Variants in FER observed in about 807,000 individuals in gnomAD.
FER encodes FER tyrosine kinase, also known as tyrosine-protein kinase Fer.
A neutral mutation model predicts 111.0 loss-of-function variants in FER; 63 were observed. That is an observed-to-expected ratio of 0.57 (90% CI 0.46 to 0.70). FER has a LOEUF of 0.70. Among genes scored for constraint, FER ranks in the 30% least tolerant of loss-of-function variants. The pLI is 0.00. For missense variants in FER, 914 were observed against 954.0 expected, an observed-to-expected ratio of 0.96 and a Z score of 0.55; for synonymous variants, 327 against 313.9, an observed-to-expected ratio of 1.04 and a Z score of -0.44.
intron 2 of FER, among the ~76,000 whole-genome samples, chr5:108,791,667 A>G (rs1326261264): frequency 6.6e-6 from 1 of 151,662 alleles, no homozygotes; most frequent in Non-Finnish European, 1.5e-5. Context: ...CCTTTGAAGC[A>G]TGGAAGTTTT....
chr5:109,090,252 A>G lies in FER; in HGVS notation c.1925-10144A>G, dbSNP rs79953659. On this transcript the variant is annotated intron_variant, in intron 16 of 19. Transcript: ENST00000281092. Reference sequence around the variant, plus strand: ...CAAGCTCTTAAAAAAGACAACTGCAAACTTCTCTAGGTGGGAAATTACATG... The same window carrying G: ...CAAGCTCTTAAAAAAGACAACTGCAGACTTCTCTAGGTGGGAAATTACATG... Among the ~76,000 whole-genome samples the G allele has an allele frequency of 1.5e-3, 232 of 152,248 alleles. 3 individuals carry two copies. The East Asian group carries it at 0.036, about 23-fold the overall frequency.
chr5:109,014,822 G>T (rs1304787637), intron 13 of FER: 2 of 152,220 alleles, frequency 1.3e-5, no homozygotes, highest in African/African-American at 4.8e-5. Flanking sequence ...GGATTCCTAG[G>T]TATTTTATTC....
chr5:108,829,336 G>A (rs975778441), intron 3 of FER, among the ~76,000 whole-genome samples: 1 of 151,950 alleles, frequency 6.6e-6, no homozygotes, highest in African/African-American at 2.4e-5. Context: ...ACCTAATTCT[G>A]TGTTAAAAAA....
intron 16 of FER, among the ~76,000 whole-genome samples, chr5:109,096,081 CATA>C (rs1747473759): frequency 6.6e-6 from 1 of 151,580 alleles, no homozygotes. Flanking sequence ...ATTCTTGTTG[CATA>C]ATAATCTCAC....
chr5:109,140,569 C>G (rs1050871031), intron 17 of FER, among the ~76,000 whole-genome samples: 1 of 151,834 alleles, frequency 6.6e-6, no homozygotes, highest in African/African-American at 2.4e-5. Flanking sequence ...TTTAAGGAAG[C>G]AAGAAAGAAA....
chr5:109,142,190 A>G (rs541578267), intron 17 of FER, among the ~76,000 whole-genome samples: 9 of 152,330 alleles, frequency 5.9e-5, no homozygotes, highest in African/African-American at 2.2e-4. Context: ...TTCATGTTCT[A>G]TTATTTACAC....
At chr5:108,857,915 G>T (rs945430727) in intron 5 of FER, among the ~76,000 whole-genome samples, 1 of 152,006 alleles carries the variant, frequency 6.6e-6, no homozygotes, top group African/African-American at 2.4e-5. Context: ...GTATTTTCTG[G>T]CTCATCTTAT....
intron 16 of FER, among the ~76,000 whole-genome samples, chr5:109,098,271 GTTTA>G (rs1262922102): frequency 1.3e-5 from 2 of 151,724 alleles, no homozygotes; most frequent in Non-Finnish European, 2.9e-5. Context: ...TTGAATAATA[GTTTA>G]TTTGTTAAAT....
At chr5:108,798,625 A>G (rs1756307609) in intron 3 of FER, among the ~76,000 whole-genome samples, 1 of 152,288 alleles carries the variant, frequency 6.6e-6, no homozygotes, top group South Asian at 2.1e-4. Context: ...AGGCAGCAAC[A>G]TCACTTTAGC....
intron 9 of FER, 99 bp downstream of exon 9, chr5:108,883,617 CAG>C (rs749007320): frequency 1.0e-5 from 11 of 1,070,910 alleles, no homozygotes; most frequent in East Asian, 2.8e-5. Context: ...TTTCTAGAAA[CAG>C]AAACTTTTAT....
intron 11 of FER, among the ~76,000 whole-genome samples, chr5:108,950,997 A>T (rs1377432826): frequency 6.6e-6 from 1 of 152,090 alleles, no homozygotes; most frequent in Non-Finnish European, 1.5e-5. Flanking sequence ...AGGGCCAGGC[A>T]TGGTGGCTCA....
At chr5:109,006,491 C>G (rs1002362581) in intron 13 of FER, among the ~76,000 whole-genome samples, 1 of 152,182 alleles carries the variant, frequency 6.6e-6, no homozygotes, top group Non-Finnish European at 1.5e-5. Context: ...CTATGTGGAA[C>G]TGTGAGTGCA....
chr5:108,833,714 A>T (rs1760293720), intron 4 of FER, among the ~76,000 whole-genome samples: 1 of 152,080 alleles, frequency 6.6e-6, no homozygotes, highest in Admixed American at 6.5e-5. Flanking sequence ...CTCTACTAAA[A>T]ATACAAAAAA....
intron 2 of FER, among the ~76,000 whole-genome samples, chr5:108,787,436 G>T (rs1018058213): frequency 6.6e-6 from 1 of 152,210 alleles, no homozygotes; most frequent in African/African-American, 2.4e-5. Context: ...GGCAGAAAGG[G>T]GTGGGTCCCT....
chr5:109,077,462 C>T (rs563653944), intron 16 of FER, among the ~76,000 whole-genome samples: 2 of 152,198 alleles, frequency 1.3e-5, no homozygotes, highest in South Asian at 4.1e-4. Context: ...AAATAATATA[C>T]ATATCTTATT....
At chr5:109,085,651 A>G (rs980784254) in intron 16 of FER, among the ~76,000 whole-genome samples, 14 of 151,700 alleles carry the variant, frequency 9.2e-5, no homozygotes, top group African/African-American at 3.4e-4. Flanking sequence ...TAAGTGTTCA[A>G]TATTTTACCA....
At chr5:109,125,469 C>G (rs979647917) in intron 17 of FER, among the ~76,000 whole-genome samples, 3 of 152,196 alleles carry the variant, frequency 2.0e-5, no homozygotes, top group African/African-American at 7.2e-5. Flanking sequence ...ACTAAGTTCA[C>G]TGTCTCTTCC....
intron 14 of FER, among the ~76,000 whole-genome samples, chr5:109,037,964 G>A (rs1049215962): frequency 3.3e-5 from 5 of 151,736 alleles, no homozygotes; most frequent in African/African-American, 7.3e-5. Flanking sequence ...TAAAAATGTG[G>A]ACAAGACACT....
At chr5:108,796,728 T>C (rs1175347666) in intron 2 of FER, among the ~76,000 whole-genome samples, 1 of 151,902 alleles carries the variant, frequency 6.6e-6, no homozygotes, top group Non-Finnish European at 1.5e-5. Flanking sequence ...TCAGTCAGAT[T>C]GTGGTGAATG....
Sources: allele counts gnomAD v4.1 joint callset (sites outside exome capture counted in the v4.1 genomes callset), GRCh38; gene constraint gnomAD v4.1.1; transcripts MANE v1.5; gene names NCBI Gene and HGNC (gene_info 2026-07-23, HGNC 2026-07-21).